CNTN2: variants seen among roughly 807,000 people sequenced by gnomAD.
CNTN2 encodes the protein contactin-2.
CNTN2 carries 53 observed loss-of-function variants against 117.5 expected under a neutral mutation model. That is an observed-to-expected ratio of 0.45 (90% CI 0.36 to 0.57). The LOEUF (loss-of-function observed/expected upper bound fraction) is 0.57. Ranked by LOEUF, CNTN2 falls within the 20% of genes least tolerant of loss-of-function variation. The probability of loss-of-function intolerance (pLI) is 0.00; values close to 1 mark genes in which losing one functional copy is unlikely to be tolerated. For synonymous variants in CNTN2, 530 were observed against 561.7 expected, an observed-to-expected ratio of 0.94 and a Z score of 0.80; for missense variants, 1,106 against 1,404.3, an observed-to-expected ratio of 0.79 and a Z score of 3.39.
rs372411999 is a variant in CNTN2, at chr1:205,073,752, C to T, written c.3110C>T (p.Ser1037Phe). ...GTGGCGATGCTGATCCTCATAGGCT[C>T]CCTGGAGCTCTGATCCTGGAACCCC... is the stretch of plus-strand genomic sequence containing the variant. ...HSVAMLILIG[S>F]LEL is the part of the protein sequence containing the mutation. The change falls in exon 23 of 23, where the codon TCC (serine) becomes TTC (phenylalanine). Residue 1037 changes from serine (S) to phenylalanine (F), a missense_variant. Ser to Phe is a radical substitution (Grantham distance 155). Coordinates refer to ENST00000331830, the MANE Select transcript of CNTN2 (RefSeq NM_005076.5). This position sits in a 1 kb window ranked among gnomAD's most constrained non-coding sequence, Gnocchi z 6.3. The T allele has an allele frequency of 3.8e-5, 61 of 1,613,648 alleles. No individual in the cohort carries two copies. The highest frequency in any genetic ancestry group is 4.8e-5 in the Non-Finnish European group (57 of 1,179,948).
chr1:205,052,151 G>A (rs3767291), intron 1 of CNTN2, among the ~76,000 whole-genome samples: 33,364 of 152,110 alleles, frequency 0.22, 4,569 homozygotes, highest in East Asian at 0.64. Context: ...AGCCGGGCTC[G>A]CTGGCCCCTG....
At chr1:205,049,696 G>T (rs180850624) in intron 1 of CNTN2, among the ~76,000 whole-genome samples, 13 of 152,318 alleles carry the variant, frequency 8.5e-5, no homozygotes, top group Admixed American at 8.5e-4. Context: ...CTGACAGGCT[G>T]GCAAAGAGCA....
At position 205,074,985 on chromosome 1, in the gene CNTN2, C is replaced by T. The variant is rs1033016889; in HGVS notation, c.*1220C>T. On this transcript the variant is annotated 3_prime_UTR_variant, in exon 23 of 23. Transcript: ENST00000331830. ...TCTGGGTATACTACCAGTCACAGAA[C>T]GTCAGAGCTGGAAGAAGCCTTAGAG... 6 of 398,144 alleles carry T rather than the reference C, an allele frequency of 1.5e-5. No individual in the cohort carries two copies. Among genetic ancestry groups the T allele is most frequent in the Middle Eastern group, 6.2e-4 (1 of 1,610 alleles). The allele number at this position is 398,144 out of a possible 1,614,324, so 24.7% of individuals were successfully genotyped here.
At chr1:205,056,475 G>C (rs1293500971) in intron 2 of CNTN2, among the ~76,000 whole-genome samples, 1 of 152,218 alleles carries the variant, frequency 6.6e-6, no homozygotes, top group Non-Finnish European at 1.5e-5. Flanking sequence ...TGGGAGCCCT[G>C]CCTCCTACCT....
intron 16 of CNTN2, chr1:205,067,540 A>G: frequency 1.0e-5 from 3 of 295,906 alleles, no homozygotes; most frequent in Non-Finnish European, 1.9e-5. Flanking sequence ...AAGTTCGGAG[A>G]AAGGAAGAGT....
In CNTN2 at chr1:205,061,936, G is replaced by A; in HGVS notation, c.1045G>A (p.Ala349Thr). The A allele has an allele frequency of 6.2e-7, 1 of 1,608,566 alleles. No individual in the cohort carries two copies. The highest frequency in any genetic ancestry group is 8.5e-7 in the Non-Finnish European group (1 of 1,177,524). ...TGGCTCCAACCTGCGTTGGGGCTGT[G>A]CAGCCGCCGGCAAGCCCCGGCCTAC... The part of the protein sequence containing the change: ...DIGSNLRWGC[A>T]AAGKPRPTVR... The change falls in exon 9 of 23, where the codon GCA becomes ACA. Residue 349 changes from alanine to threonine, a missense_variant. Transcript: ENST00000331830. This position sits in a 1 kb window ranked among gnomAD's most constrained non-coding sequence, Gnocchi z 4.8.
Position 205,074,831 on chromosome 1 carries a change from T to A in CNTN2, c.*1066T>A. ...GGAGGTTTCTGGGAAGGGCAGAGGA[T>A]AAATGTGGCCCTGCCTGCTCCCAGG... On this transcript the variant is annotated 3_prime_UTR_variant, in exon 23 of 23. Transcript: ENST00000331830. 1 of 398,586 alleles carries A rather than the reference T, an allele frequency of 2.5e-6. No homozygotes were observed. The highest frequency in any genetic ancestry group is 4.4e-6 in the Non-Finnish European group (1 of 226,090). 24.7% of individuals were successfully genotyped at this position (398,586 alleles called of 1,614,324 possible). A position where few individuals can be genotyped will look rare whatever the true frequency, so the allele number is the denominator to read the frequency against.
rs1443395103 is a variant in CNTN2 at position 205,048,644 on chromosome 1, A to T, written c.-86-4456A>T. 6.6e-6 allele frequency among the ~76,000 whole-genome samples: 1 copy of T among 152,070 alleles called. No homozygotes were observed. Among genetic ancestry groups the T allele is most frequent in the Non-Finnish European group, 1.5e-5 (1 of 68,002 alleles). On this transcript the variant is annotated intron_variant, in intron 1 of 22. Coordinates refer to ENST00000331830, the MANE Select transcript of CNTN2 (RefSeq NM_005076.5). This position sits in a 1 kb window ranked among gnomAD's most constrained non-coding sequence, Gnocchi z 4.1. ...TGCTCCTGACAAAAAGGCCTCCTCCATCCTGGGCATTCTAGAACGCATAAT... is the reference window on the plus strand; with the variant it reads ...TGCTCCTGACAAAAAGGCCTCCTCCTTCCTGGGCATTCTAGAACGCATAAT...
At position 205,069,533 on chromosome 1, in the gene CNTN2, C is replaced by A; in HGVS notation, c.2168C>A (p.Ala723Asp). 1 of 1,613,864 alleles carries A rather than the reference C, an allele frequency of 6.2e-7. No individual in the cohort carries two copies. Among genetic ancestry groups the A allele is most frequent in the Non-Finnish European group, 8.5e-7 (1 of 1,180,006 alleles). ...APSGLSGGGGAPGELIVNWTP... is the reference protein window; with the variant it reads ...APSGLSGGGGDPGELIVNWTP... ...TCAGGACTCAGCGGAGGAGGTGGAG[C>A]CCCCGGAGAGCTCATCGTCAACTGG... Residue 723 changes from alanine (A) to aspartate (D), a missense_variant, in exon 17 of 23, where the codon GCC (alanine) becomes GAC (aspartate). Physicochemically the swap from Ala to Asp is moderately radical, Grantham distance 126. Coordinates refer to ENST00000331830, the MANE Select transcript of CNTN2 (RefSeq NM_005076.5).
intron 1 of CNTN2, among the ~76,000 whole-genome samples, chr1:205,047,176 C>A (rs1004415961): frequency 6.6e-6 from 1 of 152,170 alleles, no homozygotes; most frequent in Non-Finnish European, 1.5e-5. Flanking sequence ...GCACGACACC[C>A]CTGGTCCCCA....
chr1:205,050,504 T>TTTCACTCTA (rs1187361850), intron 1 of CNTN2, among the ~76,000 whole-genome samples: 6 of 152,376 alleles, frequency 3.9e-5, no homozygotes, highest in African/African-American at 1.2e-4. Context: ...ACAACTACTC[T>TTTCACTCTA]GTTTTTCACT....
At chr1:205,054,348 C>T (rs1481858947) in intron 2 of CNTN2, among the ~76,000 whole-genome samples, 2 of 152,236 alleles carry the variant, frequency 1.3e-5, no homozygotes, top group African/African-American at 2.4e-5. Context: ...CCCAGTCCTG[C>T]AGCTCAGTCA....
intron 2 of CNTN2, among the ~76,000 whole-genome samples, chr1:205,054,139 G>A (rs994032997): frequency 6.6e-6 from 1 of 152,212 alleles, no homozygotes; most frequent in Non-Finnish European, 1.5e-5. Context: ...CCTCAGCCCA[G>A]ATCAATAGAT....
rs1367297753 is a variant in CNTN2 at position 205,062,580 on chromosome 1, C to T, written c.1240+11C>T. On this transcript the variant is annotated intron_variant, in intron 10 of 22. Coordinates refer to ENST00000331830, the MANE Select transcript of CNTN2 (RefSeq NM_005076.5). Reference sequence around the variant, plus strand: ...AGCTAGCCGTGCAAGGTAAGGGGCCCAGGGAGGCAGGGGACATCCCAAGGA... The same window carrying T: ...AGCTAGCCGTGCAAGGTAAGGGGCCTAGGGAGGCAGGGGACATCCCAAGGA... 1.2e-6 allele frequency: 2 copies of T among 1,608,532 alleles called. No homozygotes were observed. Among genetic ancestry groups the T allele is most frequent in the Non-Finnish European group, 1.7e-6 (2 of 1,177,230 alleles).
Position 205,058,843 on chromosome 1 carries a change from T to C in CNTN2, c.487+180T>C, listed in dbSNP as rs772201656. ...ATAGGTCTGTCACTTTCCATCGTTG[T>C]GCCCTGCTTCCGCCTTCAAACTGGG... On this transcript the variant is annotated intron_variant, in intron 5 of 22. Transcript: ENST00000331830. The surrounding 1 kb of genome is among the most constrained non-coding windows in gnomAD (Gnocchi z 4.3). 20 of 670,352 alleles carry C rather than the reference T, an allele frequency of 3.0e-5. No homozygotes were observed. The highest frequency in any genetic ancestry group is 5.0e-5 in the Non-Finnish European group (20 of 398,654). The allele number at this position is 670,352 out of a possible 1,614,324, so 41.5% of individuals were successfully genotyped here.
intron 1 of CNTN2, among the ~76,000 whole-genome samples, chr1:205,044,423 C>G (rs2096437605): frequency 6.7e-6 from 1 of 149,728 alleles, no homozygotes; most frequent in Non-Finnish European, 1.5e-5. Flanking sequence ...CGGGCACCCT[C>G]TAGCCCCAGA....
Position 205,059,447 on chromosome 1 carries a change from C to A in CNTN2, c.698-136C>A. 3.4e-6 allele frequency: 4 copies of A among 1,168,758 alleles called. No individual in the cohort carries two copies. The East Asian group carries it at 7.2e-5, about 21-fold the overall frequency. The allele number at this position is 1,168,758 out of a possible 1,614,324, so 72.4% of individuals were successfully genotyped here. On this transcript the variant is annotated intron_variant, in intron 6 of 22. Coordinates refer to ENST00000331830, the MANE Select transcript of CNTN2 (RefSeq NM_005076.5). This position sits in a 1 kb window ranked among gnomAD's most constrained non-coding sequence, Gnocchi z 5.6. ...GATCCTCCTGCTTCAAATCCTGAGG[C>A]CCTTGCCCCAGGCCTCAAGGAGATT...
Position 205,073,155 on chromosome 1 carries a change from G to C in CNTN2, c.2932G>C (p.Gly978Arg), listed in dbSNP as rs1354092013. ...WIEIPVPEDIGHALVQIRTTG... is the reference protein window; with the variant it reads ...WIEIPVPEDIRHALVQIRTTG... ...AGAAATCCCAGTGCCTGAAGACATT[G>C]GCCATGCCCTGGTACAAATTCGGAC... Residue 978 changes from glycine to arginine, a missense_variant, in exon 22 of 23, where the codon GGC (glycine) becomes CGC (arginine). Transcript: ENST00000331830. This position sits in a 1 kb window ranked among gnomAD's most constrained non-coding sequence, Gnocchi z 6.3. 2 of 1,614,018 alleles carry C rather than the reference G, an allele frequency of 1.2e-6. No individual in the cohort carries two copies.
At chr1:205,057,874 C>T (rs1448893650) in intron 2 of CNTN2, 47 bp from the exon 3 acceptor site, 2 of 1,592,534 alleles carry the variant, frequency 1.3e-6, no homozygotes, top group Admixed American at 1.7e-5. Context: ...GGCCAGGCTC[C>T]AGCCAGGCCA....
Sources: allele counts gnomAD v4.1 joint callset (sites outside exome capture counted in the v4.1 genomes callset), GRCh38; gene constraint gnomAD v4.1.1; non-coding constraint Gnocchi (gnomAD v3.1); transcripts MANE v1.5; gene names NCBI Gene and HGNC (gene_info 2026-07-23, HGNC 2026-07-21).